The following PASK variants were observed in gnomAD, a reference collection of about 807,000 sequenced individuals.
PASK encodes the protein PAS domain containing serine/threonine kinase.
PASK carries 110 observed loss-of-function variants against 121.0 expected under a neutral mutation model. The observed-to-expected ratio is 0.91, with a 90% confidence interval of 0.78 to 1.06. The LOEUF (loss-of-function observed/expected upper bound fraction) is 1.06, where lower values mean the gene tolerates loss of function less well. PASK is among the 50% of genes least tolerant of loss of function. The pLI is 0.00. For synonymous variants in PASK, 686 were observed against 717.8 expected (o/e 0.96, Z 0.71); for missense variants, 1,643 against 1,702.3 (o/e 0.97, Z 0.61).
intron 12 of PASK, chr2:241,118,861 T>C (rs2065481960): frequency 2.2e-6 from 2 of 911,888 alleles, no homozygotes; most frequent in African/African-American, 1.8e-5. Context: ...GAGGCCATGA[T>C]GGGGCACTTC....
Position 241,108,492 on chromosome 2 carries a change from C to A in PASK, c.3534-192G>T. The A allele has an allele frequency of 4.5e-6, 3 of 661,394 alleles. No homozygotes were observed. The highest frequency in any genetic ancestry group is 8.2e-6 in the Non-Finnish European group (3 of 367,986). 41.0% of individuals were successfully genotyped at this position (661,394 alleles called of 1,614,324 possible). A position where few individuals can be genotyped will look rare whatever the true frequency, so the allele number is the denominator to read the frequency against. ...TTCTGCCCCAGGCCAGCCAGCAGGC[C>A]ATGTGCCAGGAGTGGAGAGGCCATC... On this transcript the variant is annotated intron_variant, in intron 15 of 17. Coordinates refer to ENST00000234040, the MANE Select transcript of PASK (RefSeq NM_015148.4). This position sits in a 1 kb window ranked among gnomAD's most constrained non-coding sequence, Gnocchi z 5.2.
chr2:241,121,630 C>T (rs1461115147), intron 12 of PASK, among the ~76,000 whole-genome samples: 1 of 152,092 alleles, frequency 6.6e-6, no homozygotes. Context: ...TACAGAAGAC[C>T]ATTTTAAATA....
In PASK at chr2:241,143,068, C is replaced by CT. The variant is rs1190623360; in HGVS notation, c.-37dup. On this transcript the variant is annotated 5_prime_UTR_variant, in exon 2 of 18. Transcript: ENST00000234040. ...GAGGCCAACTGCCAAGCTTCCAACT[C>CT]TAACAACTAGAAAACAACATGAAGC... 6.9e-7 allele frequency: 1 copy of CT among 1,457,618 alleles called. No individual in the cohort carries two copies. Among genetic ancestry groups the CT allele is most frequent in the African/African-American group, 1.4e-5 (1 of 72,086 alleles). 90.3% of individuals were successfully genotyped at this position (1,457,618 alleles called of 1,614,324 possible). A position where few individuals can be genotyped will look rare whatever the true frequency, so the allele number is the denominator to read the frequency against.
At chr2:241,122,925 GGTCACATGCAACTGC>G (rs765296603) in intron 11 of PASK, 26 bp from the exon 12 acceptor site, 208 of 1,611,570 alleles carry the variant, frequency 1.3e-4, no homozygotes, top group Non-Finnish European at 1.7e-4. Context: ...AGGTCTGTGG[GGTCACATGCAACTGC>G]ACCGGGCAGA....
upstream of PASK, chr2:241,149,629 G>A: frequency 6.5e-7 from 1 of 1,538,130 alleles, no homozygotes; most frequent in Non-Finnish European, 8.7e-7. Flanking sequence ...ACGGCGCTTC[G>A]GAGGAGCCAA....
In PASK at chr2:241,127,025, G is replaced by A. The variant is rs2065899423; in HGVS notation, c.1890C>T (p.Pro630=). Residue 630 remains proline, a synonymous_variant, in exon 10 of 18, where the codon CCC becomes CCT. Coordinates refer to ENST00000234040, the MANE Select transcript of PASK (RefSeq NM_015148.4). ...CAAACGAGAGGCCTGCCATCCCAGA[G>A]GGGCTGGGGGCCAAGTCCTGGCTTC... is the stretch of plus-strand genomic sequence containing the variant. ...WWRSQDLAPS[P]SGMAGLSFGT... is the part of the protein sequence containing the mutation. 2 of 1,614,184 alleles carry A rather than the reference G, an allele frequency of 1.2e-6. No individual in the cohort carries two copies. The highest frequency in any genetic ancestry group is 1.7e-6 in the Non-Finnish European group (2 of 1,180,032).
rs552594085 is a variant in PASK, at chr2:241,126,917, C to A, written c.1998G>T (p.Leu666=). ...ELQTCLIKEQ[L]SQLSLAGALD... is the part of the protein sequence containing the mutation. ...GGGCTCCTGCAAGGCTCAACTGGGA[C>A]AGCTGCTCCTTAATCAAGCAGGTCT... Residue 666 remains leucine, a synonymous_variant, in exon 10 of 18, where the codon CTG becomes CTT. Transcript: ENST00000234040. 1 of 1,614,128 alleles carries A rather than the reference C, an allele frequency of 6.2e-7. No homozygotes were observed. Among genetic ancestry groups the A allele is most frequent in the East Asian group, 2.2e-5 (1 of 44,882 alleles).
intron 12 of PASK, among the ~76,000 whole-genome samples, chr2:241,116,220 G>A (rs553298089): frequency 9.2e-5 from 14 of 152,190 alleles, no homozygotes; most frequent in African/African-American, 1.4e-4. Flanking sequence ...TGGTCCATGC[G>A]GCAGACACAT....
At chr2:241,137,297 G>T (rs1468227697) in intron 6 of PASK, 33 bp from the exon 7 acceptor site, 2 of 1,597,708 alleles carry the variant, frequency 1.3e-6, no homozygotes, top group South Asian at 1.1e-5. Context: ...GGCTTAAGCC[G>T]TGTTTCACGT....
At chr2:241,110,548 C>G (rs2065066607) in intron 15 of PASK, among the ~76,000 whole-genome samples, 1 of 152,172 alleles carries the variant, frequency 6.6e-6, no homozygotes, top group African/African-American at 2.4e-5. Flanking sequence ...CAGGGCAGAG[C>G]CCTGGCAGGG....
In PASK at chr2:241,108,289, G is replaced by A. The variant is rs148102267; in HGVS notation, c.3545C>T (p.Pro1182Leu). ...TCCCAGAGACCACATCTCCAGCTCC[G>A]GCCCTCTGTAGCTGTGAGGAGGAGG... is the stretch of plus-strand genomic sequence containing the variant. ...EVLMGNPYRG[P>L]ELEMWSLGVT... The change falls in exon 16 of 18, where the codon CCG becomes CTG. Residue 1182 changes from proline to leucine, a missense_variant. By Grantham distance (98) the Pro-to-Leu change is moderately conservative. Transcript: ENST00000234040. The surrounding 1 kb of genome is among the most constrained non-coding windows in gnomAD (Gnocchi z 5.2). 5.0e-5 allele frequency: 81 copies of A among 1,613,966 alleles called. No homozygotes were observed. The highest frequency in any genetic ancestry group is 2.5e-4 in the African/African-American group (19 of 75,058).
rs2066771760 is a variant in PASK, at chr2:241,142,862, G to C, written c.171C>G (p.Leu57=). The change falls in exon 2 of 18, where the codon CTC becomes CTG. Residue 57 remains leucine (L), a synonymous_variant. Coordinates refer to ENST00000234040, the MANE Select transcript of PASK (RefSeq NM_015148.4). ...CAGAGAGCGCTGTCCTGCTCTGGCA[G>C]AGTCTGGAAAGCCCATTCCTTCTGC... ...HLSRRNGLSR[L]CQSRTALSED... is the part of the protein sequence containing the mutation. The C allele has an allele frequency of 1.2e-6, 2 of 1,613,612 alleles. No individual in the cohort carries two copies. The highest frequency in any genetic ancestry group is 2.2e-5 in the South Asian group (2 of 91,074).
chr2:241,112,184 C>G lies in PASK; in HGVS notation c.3533+56G>C, dbSNP rs974723148. ...ATTTTCCCACCCAAAATCAAGCCAC[C>G]CTCAGGGTCCTGACAGAGGACACGA... On this transcript the variant is annotated intron_variant, in intron 15 of 17. Coordinates refer to ENST00000234040, the MANE Select transcript of PASK (RefSeq NM_015148.4). The surrounding 1 kb of genome is among the most constrained non-coding windows in gnomAD (Gnocchi z 5.2). The G allele has an allele frequency of 4.6e-5, 64 of 1,378,640 alleles. No individual in the cohort carries two copies. Among genetic ancestry groups the G allele is most frequent in the Non-Finnish European group, 6.3e-5 (61 of 965,974 alleles). The allele number at this position is 1,378,640 out of a possible 1,614,324, so 85.4% of individuals were successfully genotyped here. A position where few individuals can be genotyped will look rare whatever the true frequency, so the allele number is the denominator to read the frequency against.
At chr2:241,114,897 T>C in intron 14 of PASK, 146 bp downstream of exon 14, 1 of 1,535,938 alleles carries the variant, frequency 6.5e-7, no homozygotes, top group South Asian at 1.3e-5. Context: ...CTTCTCAAAA[T>C]ATATATCCTA....
chr2:241,134,797 C>T (rs2066330261), intron 8 of PASK: 1 of 151,864 alleles, frequency 6.6e-6, no homozygotes, highest in East Asian at 1.9e-4. Flanking sequence ...GAACAGAGAC[C>T]CCCCCACCTG....
chr2:241,131,981 G>C (rs2066158516), intron 9 of PASK, among the ~76,000 whole-genome samples: 1 of 150,862 alleles, frequency 6.6e-6, no homozygotes, highest in Admixed American at 6.6e-5. Flanking sequence ...TTGAACCAGG[G>C]GGCAGAAGTT....
At chr2:241,115,250 G>A (rs998249457) in intron 13 of PASK, 38 bp downstream of exon 13, 17 of 1,613,980 alleles carry the variant, frequency 1.1e-5, no homozygotes, top group Middle Eastern at 1.7e-4. Flanking sequence ...CATTTGACAT[G>A]AGCCAAGTTA....
intron 12 of PASK, among the ~76,000 whole-genome samples, chr2:241,119,663 G>A (rs1481558472): frequency 2.0e-5 from 3 of 152,012 alleles, no homozygotes; most frequent in Non-Finnish European, 4.4e-5. Flanking sequence ...GTAGAGACAG[G>A]GTTTCACCGT....
upstream of PASK, chr2:241,149,488 A>G (rs1416385181): frequency 1.5e-5 from 10 of 653,990 alleles, no homozygotes; most frequent in Non-Finnish European, 2.3e-5. Context: ...TATCCCACCG[A>G]CCAATCGCAC....
Sources: gnomAD v4.1 joint callset for allele counts (sites outside exome capture counted in the v4.1 genomes callset) on GRCh38, gnomAD v4.1.1 for gene constraint, Gnocchi (gnomAD v3.1) non-coding constraint, MANE v1.5 for transcripts, NCBI Gene and HGNC (gene_info 2026-07-23, HGNC 2026-07-21) for gene names.